Variants in SCNN1B observed in about 807,000 individuals in gnomAD.
SCNN1B encodes sodium channel epithelial 1 subunit beta.
A neutral mutation model predicts 65.3 loss-of-function variants in SCNN1B; 46 were observed. That is an observed-to-expected ratio of 0.70 (90% CI 0.56 to 0.90). The LOEUF is 0.90. Ranked by LOEUF, SCNN1B falls within the 40% of genes least tolerant of loss-of-function variation. SCNN1B has a pLI of 0.00. For synonymous variants in SCNN1B, 349 were observed against 330.6 expected (o/e 1.06, Z -0.60); for missense variants, 751 against 830.5 (o/e 0.90, Z 1.18).
chr16:23,369,084 C>G (rs888844764), intron 5 of SCNN1B, among the ~76,000 whole-genome samples: 22 of 152,306 alleles, frequency 1.4e-4, no homozygotes, highest in African/African-American at 5.1e-4. Flanking sequence ...GTCTCTTAGT[C>G]TCTCTGCCTC....
chr16:23,315,055 G>A (rs973842863), intron 1 of SCNN1B, among the ~76,000 whole-genome samples: 26 of 152,202 alleles, frequency 1.7e-4, no homozygotes, highest in African/African-American at 1.4e-4. Context: ...ACATGCCACC[G>A]GCTGGGTGCG....
At chr16:23,355,908 T>C (rs1156593426) in intron 4 of SCNN1B, among the ~76,000 whole-genome samples, 11 of 151,930 alleles carry the variant, frequency 7.2e-5, no homozygotes, top group African/African-American at 2.2e-4. Flanking sequence ...CTGGGTAATA[T>C]AGTGAGACTC....
At chr16:23,361,776 T>C (rs1424144020) in intron 4 of SCNN1B, among the ~76,000 whole-genome samples, 1 of 152,150 alleles carries the variant, frequency 6.6e-6, no homozygotes, top group Non-Finnish European at 1.5e-5. Context: ...GTTTGGTTTT[T>C]TGGTTGTTTT....
At position 23,284,407 on chromosome 16, in the gene SCNN1B, A is replaced by T. The variant is rs553475788; in HGVS notation, n.178+603A>T. Among the ~76,000 whole-genome samples the T allele has an allele frequency of 4.6e-5, 7 of 152,286 alleles. 1 individual carries two copies. In the South Asian group the frequency reaches 1.5e-3, roughly 32 times the overall value. ...GCAACAGAGCAAGACTCCATCTCAA[A>T]AAAATAAATAAATAAAAATAAATTA... On this transcript the variant is annotated intron_variant and non_coding_transcript_variant, in intron 2 of 3. Transcript: ENST00000569789.
chr16:23,286,144 G>A (rs1213673959), intron 2 of SCNN1B, among the ~76,000 whole-genome samples: 1 of 152,134 alleles, frequency 6.6e-6, no homozygotes, highest in Non-Finnish European at 1.5e-5. Flanking sequence ...GTGATAACAA[G>A]GAAAGAATTT....
At chr16:23,335,750 ATT>A (rs56950176) in intron 1 of SCNN1B, among the ~76,000 whole-genome samples, 14 of 146,528 alleles carry the variant, frequency 9.6e-5, no homozygotes, top group South Asian at 6.4e-4. Context: ...CCCGGCCTCT[ATT>A]TTTTTTTTTT....
At chr16:23,307,480 C>A (rs368461134) in intron 1 of SCNN1B, among the ~76,000 whole-genome samples, 1 of 151,940 alleles carries the variant, frequency 6.6e-6, no homozygotes. Flanking sequence ...CCACCATGCC[C>A]AGCTAATTTT....
intron 1 of SCNN1B, among the ~76,000 whole-genome samples, chr16:23,303,554 C>A (rs1410517399): frequency 6.6e-6 from 1 of 152,066 alleles, no homozygotes; most frequent in Non-Finnish European, 1.5e-5. Context: ...TGGAGTGTTT[C>A]CTTCTAGACC....
rs1962343539 is a variant in SCNN1B at position 23,353,006 on chromosome 16, G to A, written c.517G>A (p.Gly173Ser). 1.2e-6 allele frequency: 2 copies of A among 1,614,158 alleles called. No individual in the cohort carries two copies. Among genetic ancestry groups the A allele is most frequent in the Non-Finnish European group, 1.7e-6 (2 of 1,180,042 alleles). ...TGATCTCTTTGGAGACAACCACAAT[G>A]GCTTAACAAGCAGCTCAGCATCAGA... Reference protein sequence around the residue: ...VLDLFGDNHNGLTSSSASEKI... With the variant: ...VLDLFGDNHNSLTSSSASEKI... The change falls in exon 3 of 13, where the codon GGC (glycine) becomes AGC (serine). Residue 173 changes from glycine (G) to serine (S), a missense_variant. Coordinates refer to ENST00000343070, the MANE Select transcript of SCNN1B (RefSeq NM_000336.3).
rs532152932 is a variant in SCNN1B at position 23,294,929 on chromosome 16, G to A, written n.178+11125G>A. 1.5e-4 allele frequency among the ~76,000 whole-genome samples: 23 copies of A among 151,964 alleles called. No homozygotes were observed. The South Asian group carries it at 4.4e-3, about 29-fold the overall frequency. On this transcript the variant is annotated intron_variant and non_coding_transcript_variant, in intron 2 of 3. Transcript: ENST00000569789. ...AATCACTTGAACCTGGGAGGTGGAG[G>A]TGGCAGTGAGCCGAGATCACACTGC...
Position 23,348,155 on chromosome 16 carries a change from G to A in SCNN1B, c.-8-437G>A, listed in dbSNP as rs1962226632. ...CCATATAGACAGTGGCCCTGGCTGG[G>A]AATCTACTTTCTTTTCTCATCAATG... On this transcript the variant is annotated intron_variant, in intron 1 of 12. Transcript: ENST00000343070. The surrounding 1 kb of genome is among the most constrained non-coding windows in gnomAD (Gnocchi z 4.5). Among the ~76,000 whole-genome samples the A allele has an allele frequency of 6.6e-6, 1 of 152,052 alleles. No homozygotes were observed. Among genetic ancestry groups the A allele is most frequent in the African/African-American group, 2.4e-5 (1 of 41,410 alleles).
intron 4 of SCNN1B, among the ~76,000 whole-genome samples, chr16:23,355,801 G>A (rs1962408603): frequency 2.0e-5 from 3 of 152,108 alleles, no homozygotes; most frequent in South Asian, 2.1e-4. Context: ...AAAAAGGAAA[G>A]GCTGGGCGTG....
At chr16:23,301,272 G>C (rs1424559229), upstream of SCNN1B, among the ~76,000 whole-genome samples, 1 of 151,314 alleles carries the variant, frequency 6.6e-6, no homozygotes, top group Non-Finnish European at 1.5e-5. Context: ...TGAGGCAGGA[G>C]AATTGCTTGA....
chr16:23,322,279 A>C (rs1477198381), intron 1 of SCNN1B, among the ~76,000 whole-genome samples: 7 of 152,130 alleles, frequency 4.6e-5, no homozygotes, highest in Non-Finnish European at 1.0e-4. Context: ...ACAGATCGGA[A>C]TGGCATAAGC....
At chr16:23,302,016 G>A (rs1253571925), upstream of SCNN1B, among the ~76,000 whole-genome samples, 1 of 152,156 alleles carries the variant, frequency 6.6e-6, no homozygotes, top group Non-Finnish European at 1.5e-5. Context: ...CTTGTGATAT[G>A]TACTGAGGGG....
rs1429358483 is a variant in SCNN1B at position 23,380,025 on chromosome 16, C to CGT, written c.1467-58_1467-57dup. ...GCATGTGTGTGCATGTGTCTATGTG[C>CGT]GTGTGTGTGTGTCTGTCTGTTTGGA... On this transcript the variant is annotated intron_variant, in intron 11 of 12. Coordinates refer to ENST00000343070, the MANE Select transcript of SCNN1B (RefSeq NM_000336.3). This position sits in a 1 kb window ranked among gnomAD's most constrained non-coding sequence, Gnocchi z 5.4. 2.0e-5 allele frequency: 23 copies of CGT among 1,128,666 alleles called. No homozygotes were observed. The highest frequency in any genetic ancestry group is 6.2e-5 in the South Asian group (5 of 81,000). The allele number at this position is 1,128,666 out of a possible 1,614,324, so 69.9% of individuals were successfully genotyped here.
intron 1 of SCNN1B, among the ~76,000 whole-genome samples, chr16:23,334,439 C>T (rs1452785405): frequency 6.6e-6 from 1 of 152,170 alleles, no homozygotes; most frequent in African/African-American, 2.4e-5. Context: ...AGTAAAGAGA[C>T]AAGGTGGCAT....
intron 1 of SCNN1B, among the ~76,000 whole-genome samples, chr16:23,317,776 G>A (rs2064637458): frequency 6.6e-6 from 1 of 152,240 alleles, no homozygotes; most frequent in South Asian, 2.1e-4. Flanking sequence ...TGCTGTGCCA[G>A]GGAATCCTGA....
intron 1 of SCNN1B, among the ~76,000 whole-genome samples, chr16:23,310,928 G>A (rs755599885): frequency 1.3e-5 from 2 of 152,252 alleles, no homozygotes; most frequent in African/African-American, 2.4e-5. Context: ...CAGCTGGTGA[G>A]GGTACAAATT....
Sources: gnomAD v4.1 joint callset for allele counts (sites outside exome capture counted in the v4.1 genomes callset) on GRCh38, gnomAD v4.1.1 for gene constraint, Gnocchi (gnomAD v3.1) non-coding constraint, MANE v1.5 for transcripts, NCBI Gene and HGNC (gene_info 2026-07-23, HGNC 2026-07-21) for gene names.